The following MRTFB variants were observed in gnomAD, a reference collection of about 807,000 sequenced individuals.
The protein encoded by MRTFB is myocardin-related transcription factor B.
Under a neutral mutation model 104.2 loss-of-function variants are expected in MRTFB, and 29 were observed. The observed-to-expected ratio is 0.28, with a 90% CI of 0.21 to 0.38. MRTFB has a LOEUF of 0.38. Ranked by LOEUF, MRTFB falls within the 10% of genes least tolerant of loss-of-function variation. MRTFB has a pLI of 1.00. For missense variants in MRTFB, 1,270 were observed against 1,341.6 expected (o/e 0.95, Z 0.83); for synonymous variants, 535 against 519.5 (o/e 1.03, Z -0.41).
intron 8 of MRTFB, 117 bp from the exon 9 acceptor site, chr16:14,234,029 T>G: frequency 7.9e-7 from 1 of 1,269,460 alleles, no homozygotes; most frequent in South Asian, 1.4e-5. Flanking sequence ...TCATATATTT[T>G]TCCTTTGCTT....
rs116193727 is a variant in MRTFB, at chr16:14,235,187, C to T, written c.831+904C>T. ...AGATGAACACAATGCATATTCCTCACGGCCCTAAGTCGCCGGGACTGTCCC... is the reference window on the plus strand; with the variant it reads ...AGATGAACACAATGCATATTCCTCATGGCCCTAAGTCGCCGGGACTGTCCC... On this transcript the variant is annotated intron_variant, in intron 9 of 16. Transcript: ENST00000571589. Among the ~76,000 whole-genome samples the T allele has an allele frequency of 3.9e-3, 599 of 152,316 alleles. 4 individuals carry two copies. The highest frequency in any genetic ancestry group is 0.013 in the African/African-American group (521 of 41,578).
chr16:14,166,172 T>G (rs1373263942), intron 3 of MRTFB, among the ~76,000 whole-genome samples: 2 of 151,886 alleles, frequency 1.3e-5, no homozygotes, highest in Non-Finnish European at 2.9e-5. Flanking sequence ...GGATACCTTG[T>G]GTGTGGAGGA....
intron 8 of MRTFB, among the ~76,000 whole-genome samples, chr16:14,226,859 A>G (rs1051078270): frequency 3.9e-5 from 6 of 151,954 alleles, no homozygotes; most frequent in African/African-American, 1.5e-4. Context: ...GCGTGCACCT[A>G]TAGTCCTAGC....
chr16:14,003,495 C>T, the MRTFB span, among the ~76,000 whole-genome samples: 1 of 152,212 alleles, frequency 6.6e-6, no homozygotes, highest in Non-Finnish European at 1.5e-5. Flanking sequence ...CCCAGAGCCA[C>T]AGCAGTGCAA....
chr16:14,075,955 A>G (rs1368998842), intron 1 of MRTFB, among the ~76,000 whole-genome samples: 1 of 152,218 alleles, frequency 6.6e-6, no homozygotes, highest in East Asian at 1.9e-4. Flanking sequence ...GACATAAGAC[A>G]TATTTTGAGA....
In MRTFB at chr16:14,261,383, C is replaced by T. The variant is rs759268044; in HGVS notation, c.3239C>T (p.Ala1080Val). 1.5e-5 allele frequency: 24 copies of T among 1,613,778 alleles called. No individual in the cohort carries two copies. Among genetic ancestry groups the T allele is most frequent in the Middle Eastern group, 1.6e-4 (1 of 6,082 alleles). ...GGACTCACTCCTCTCAGCACCACCG[C>T]GCCGAGCATGTTCTCTGCTGACTTT... ...SSGLTPLSTT[A>V]PSMFSADFLD... Residue 1080 changes from alanine to valine, a missense_variant, in exon 17 of 17, where the codon GCG (alanine) becomes GTG (valine). Physicochemically the swap from Ala to Val is moderately conservative, Grantham distance 64 (BLOSUM62 0). This residue lies in a region of MRTFB where 1,144 missense variants were observed against 1,131.5 expected (regional missense o/e 1.01). Transcript: ENST00000571589.
At chr16:14,107,621 A>G (rs1380221922) in intron 2 of MRTFB, among the ~76,000 whole-genome samples, 1 of 152,240 alleles carries the variant, frequency 6.6e-6, no homozygotes, top group Non-Finnish European at 1.5e-5. Flanking sequence ...AAATAGTTCA[A>G]GAACCAATTC....
chr16:14,082,984 G>C (rs545422150), intron 2 of MRTFB, among the ~76,000 whole-genome samples: 1 of 151,994 alleles, frequency 6.6e-6, no homozygotes, highest in East Asian at 1.9e-4. Context: ...CTTTTGATCC[G>C]TGAGCATGGG....
At chr16:14,225,055 G>A (rs56017343) in intron 8 of MRTFB, among the ~76,000 whole-genome samples, 3,371 of 152,146 alleles carry the variant, frequency 0.022, 62 homozygotes, top group Non-Finnish European at 0.036. Context: ...ATGTGGTGGC[G>A]CGTGCCTGTA....
Position 14,265,418 on chromosome 16 carries a change from G to A in MRTFB, c.*3974G>A, listed in dbSNP as rs185033323. 6.6e-6 allele frequency: 1 copy of A among 152,172 alleles called. No homozygotes were observed. The highest frequency in any genetic ancestry group is 1.5e-5 in the Non-Finnish European group (1 of 68,038). The allele number at this position is 152,172 out of a possible 1,614,324, so 9.4% of individuals were successfully genotyped here. On this transcript the variant is annotated 3_prime_UTR_variant, in exon 17 of 17. Coordinates refer to ENST00000571589, the MANE Select transcript of MRTFB (RefSeq NM_001308142.2). Reference sequence around the variant, plus strand: ...TTTTCAAGGAACATAGCTTACAAATGCATCAGTGTGTATCTGGAGAGCATC... The same window carrying A: ...TTTTCAAGGAACATAGCTTACAAATACATCAGTGTGTATCTGGAGAGCATC...
At chr16:14,111,813 C>T (rs112475750) in intron 2 of MRTFB, among the ~76,000 whole-genome samples, 3,685 of 152,288 alleles carry the variant, frequency 0.024, 65 homozygotes, top group Middle Eastern at 0.085. Flanking sequence ...CTTTCACCCT[C>T]AATTGATGGC....
intron 3 of MRTFB, among the ~76,000 whole-genome samples, chr16:14,201,839 A>G (rs574792483): frequency 2.2e-4 from 33 of 152,128 alleles, no homozygotes; most frequent in Non-Finnish European, 4.3e-4. Context: ...TATAATGGGG[A>G]TATTGTAAAT....
chr16:14,017,707 ATATATTT>A, the MRTFB span, among the ~76,000 whole-genome samples: 1 of 18,824 alleles, frequency 5.3e-5, no homozygotes, highest in Non-Finnish European at 1.8e-4. Flanking sequence ...ATATATATAT[ATATATTT>A]TTTTTTTTTT....
At chr16:14,082,600 A>G (rs2034474897) in intron 2 of MRTFB, among the ~76,000 whole-genome samples, 1 of 152,104 alleles carries the variant, frequency 6.6e-6, no homozygotes, top group African/African-American at 2.4e-5. Context: ...TGGGTGACAA[A>G]GTGAGACCCT....
At chr16:14,252,597 G>C (rs2043303115) in intron 15 of MRTFB, 95 bp downstream of exon 15, 1 of 1,376,312 alleles carries the variant, frequency 7.3e-7, no homozygotes, top group Non-Finnish European at 9.6e-7. Flanking sequence ...GTCTGAAACT[G>C]ACTTGCCTCA....
chr16:14,079,058 G>A (rs1469826202), intron 1 of MRTFB, among the ~76,000 whole-genome samples: 2 of 152,264 alleles, frequency 1.3e-5, no homozygotes, highest in East Asian at 3.9e-4. Flanking sequence ...CTCCAGGCTT[G>A]TTTGTTAAAT....
At chr16:14,230,000 CTATTTA>C (rs1461105530) in intron 8 of MRTFB, among the ~76,000 whole-genome samples, 1 of 152,020 alleles carries the variant, frequency 6.6e-6, no homozygotes, top group African/African-American at 2.4e-5. Flanking sequence ...CAATTTAAAC[CTATTTA>C]TATTTTAAAT....
chr16:14,250,919 C>G (rs1422722496), intron 13 of MRTFB, among the ~76,000 whole-genome samples: 1 of 152,096 alleles, frequency 6.6e-6, no homozygotes, highest in Non-Finnish European at 1.5e-5. Flanking sequence ...TATTTTCCCT[C>G]AGAAGCTGAG....
Position 14,252,023 on chromosome 16 carries a change from G to C in MRTFB, c.2565G>C (p.Lys855Asn). The C allele has an allele frequency of 6.2e-7, 1 of 1,613,846 alleles. No individual in the cohort carries two copies. Among genetic ancestry groups the C allele is most frequent in the Non-Finnish European group, 8.5e-7 (1 of 1,179,926 alleles). Residue 855 changes from lysine to asparagine, a missense_variant and splice_region_variant, in exon 14 of 17, where the codon AAG becomes AAC. Physicochemically the swap from Lys to Asn is moderately conservative, Grantham distance 94 (BLOSUM62 0). This residue lies in a region of MRTFB where 1,144 missense variants were observed against 1,131.5 expected (regional missense o/e 1.01). Transcript: ENST00000571589. The stretch of plus-strand genomic sequence containing the variant: ...AAAATGGACCTAACACACCCAACAA[G>C]GTAACCCTGTGAGGCTTGTGTGTCA... Reference protein sequence around the residue: ...SLQNGPNTPNKPSSPPPPQQF... With the variant: ...SLQNGPNTPNNPSSPPPPQQF...
Sources: gnomAD v4.1 joint callset for allele counts (sites outside exome capture counted in the v4.1 genomes callset) on GRCh38, gnomAD v4.1.1 for gene constraint, gnomAD v4.1.1 regional missense constraint, MANE v1.5 for transcripts, NCBI Gene and HGNC (gene_info 2026-07-23, HGNC 2026-07-21) for gene names.